Variants in PSAP observed in about 807,000 individuals in gnomAD.
The protein encoded by PSAP is prosaposin.
A neutral mutation model predicts 66.0 loss-of-function variants in PSAP; 25 were observed. That is an observed-to-expected ratio of 0.38 (90% CI 0.28 to 0.53). The LOEUF (loss-of-function observed/expected upper bound fraction) is 0.53. PSAP is among the 20% of genes least tolerant of loss of function. The probability of loss-of-function intolerance (pLI) is 0.83; values close to 1 mark genes in which losing one functional copy is unlikely to be tolerated. For missense variants in PSAP, 649 were observed against 668.8 expected (o/e 0.97, Z 0.33); for synonymous variants, 273 against 258.9 (o/e 1.05, Z -0.52).
At position 71,817,480 on chromosome 10, in the gene PSAP, G is replaced by A. The variant is rs1842192905; in HGVS notation, c.1540-4C>T. 2.5e-6 allele frequency: 4 copies of A among 1,614,076 alleles called. No individual in the cohort carries two copies. The highest frequency in any genetic ancestry group is 2.7e-5 in the African/African-American group (2 of 75,056). ...GGCGTTTGCAATGCTCGACAGCCTGGTAGGAGAGAGGAAGCTGAGTTTAGT... is the reference window on the plus strand; with the variant it reads ...GGCGTTTGCAATGCTCGACAGCCTGATAGGAGAGAGGAAGCTGAGTTTAGT... On this transcript the variant is annotated splice_region_variant and splice_polypyrimidine_tract_variant and intron_variant, in intron 13 of 13. Transcript: ENST00000394936.
rs141906397 is a variant in PSAP, at chr10:71,817,065, T to C, written c.*376A>G. ...CACCTCAGAAGCCCAGGCCCACCAG[T>C]GCCCAAGCACATGTCAGGGCTCAGA... On this transcript the variant is annotated 3_prime_UTR_variant, in exon 14 of 14. Transcript: ENST00000394936. 48 of 374,330 alleles carry C rather than the reference T, an allele frequency of 1.3e-4. No individual in the cohort carries two copies. The highest frequency in any genetic ancestry group is 6.8e-4 in the Admixed American group (17 of 25,074). The allele number at this position is 374,330 out of a possible 1,614,324, so 23.2% of individuals were successfully genotyped here.
At chr10:71,821,505 G>T (rs1842299710) in intron 8 of PSAP, among the ~76,000 whole-genome samples, 1 of 152,196 alleles carries the variant, frequency 6.6e-6, no homozygotes, top group Non-Finnish European at 1.5e-5. Flanking sequence ...ACTCTGAGGG[G>T]TGTGCTGGGA....
chr10:71,823,379 G>T (rs1842342615), intron 7 of PSAP, among the ~76,000 whole-genome samples: 1 of 152,234 alleles, frequency 6.6e-6, no homozygotes, highest in South Asian at 2.1e-4. Context: ...CCAACAGCCA[G>T]GAACAGTCTG....
chr10:71,851,241 G>T lies in PSAP; in HGVS notation c.-20C>A. On this transcript the variant is annotated 5_prime_UTR_variant, in exon 1 of 14. In the 5' UTR this introduces an upstream ATG that the reference lacks. Transcript: ENST00000394936. ...GTACATAGCGCCGTCTGACTCCGCAGTCTGCAATGCGGAGCGTCAGCTGAT... is the reference window on the plus strand; with the variant it reads ...GTACATAGCGCCGTCTGACTCCGCATTCTGCAATGCGGAGCGTCAGCTGAT... 6.5e-7 allele frequency: 1 copy of T among 1,550,314 alleles called. No individual in the cohort carries two copies. Among genetic ancestry groups the T allele is most frequent in the South Asian group, 1.2e-5 (1 of 84,048 alleles).
chr10:71,847,950 A>G (rs1384994039), intron 1 of PSAP, among the ~76,000 whole-genome samples: 1 of 152,174 alleles, frequency 6.6e-6, no homozygotes, highest in Non-Finnish European at 1.5e-5. Flanking sequence ...GACAACATTC[A>G]GCAGGCTAGC....
chr10:71,840,562 G>A (rs550835226), intron 1 of PSAP, among the ~76,000 whole-genome samples: 12 of 152,348 alleles, frequency 7.9e-5, no homozygotes, highest in Admixed American at 1.3e-4. Flanking sequence ...ATTCAGAATA[G>A]TATACGCTCA....
intron 4 of PSAP, among the ~76,000 whole-genome samples, chr10:71,829,425 G>A (rs1022776478): frequency 2.6e-5 from 4 of 152,116 alleles, no homozygotes; most frequent in African/African-American, 7.2e-5. Flanking sequence ...GTTTTCCCAT[G>A]CTGTTTAGTG....
At chr10:71,838,487 A>G (rs1842670165) in intron 1 of PSAP, among the ~76,000 whole-genome samples, 1 of 152,210 alleles carries the variant, frequency 6.6e-6, no homozygotes, top group Non-Finnish European at 1.5e-5. Flanking sequence ...CAGGGTGTGG[A>G]GCTGGTATGA....
chr10:71,828,107 C>A lies in PSAP; in HGVS notation c.627G>T (p.Gln209His). ...QDCIQMVTDIQTAVRTNSTFV... is the reference protein window; with the variant it reads ...QDCIQMVTDIHTAVRTNSTFV... ...AGGTGGAGTTGGTCCGTACAGCAGT[C>A]TGGATGTCAGTCACCATCTGAATGC... is the stretch of plus-strand genomic sequence containing the variant. Residue 209 changes from glutamine to histidine, a missense_variant, in exon 6 of 14, where the codon CAG (glutamine) becomes CAT (histidine). By Grantham distance (24) the Gln-to-His change is conservative. Coordinates refer to ENST00000394936, the MANE Select transcript of PSAP (RefSeq NM_002778.4). The A allele has an allele frequency of 1.9e-6, 3 of 1,614,164 alleles. No individual in the cohort carries two copies. Among genetic ancestry groups the A allele is most frequent in the Non-Finnish European group, 2.5e-6 (3 of 1,180,032 alleles).
intron 1 of PSAP, 54 bp from the exon 2 acceptor site, chr10:71,834,559 A>T: frequency 6.2e-7 from 1 of 1,601,736 alleles, no homozygotes; most frequent in Non-Finnish European, 8.5e-7. Flanking sequence ...AACCAGGTCG[A>T]CCTGACTTAT....
intron 1 of PSAP, among the ~76,000 whole-genome samples, chr10:71,846,290 A>C (rs951870981): frequency 6.6e-6 from 1 of 152,194 alleles, no homozygotes; most frequent in Non-Finnish European, 1.5e-5. Flanking sequence ...TCTTGTCCCA[A>C]CATACAAAAT....
intron 7 of PSAP, 110 bp from the exon 8 acceptor site, chr10:71,822,117 G>C: frequency 1.4e-6 from 2 of 1,480,990 alleles, no homozygotes; most frequent in Non-Finnish European, 1.9e-6. Context: ...CCCAGGTCAA[G>C]GCTACCTCCC....
At chr10:71,824,427 A>G (rs980561766) in intron 7 of PSAP, among the ~76,000 whole-genome samples, 7 of 152,224 alleles carry the variant, frequency 4.6e-5, no homozygotes, top group African/African-American at 1.2e-4. Flanking sequence ...ATGTATCCAA[A>G]GCCTCATGCT....
chr10:71,817,488 G>A lies in PSAP; in HGVS notation c.1540-12C>T. ...CAATGCTCGACAGCCTGGTAGGAGAGAGGAAGCTGAGTTTAGTCTTCGGAT... is the reference window on the plus strand; with the variant it reads ...CAATGCTCGACAGCCTGGTAGGAGAAAGGAAGCTGAGTTTAGTCTTCGGAT... On this transcript the variant is annotated splice_polypyrimidine_tract_variant and intron_variant, in intron 13 of 13. Transcript: ENST00000394936. 1 of 1,613,958 alleles carries A rather than the reference G, an allele frequency of 6.2e-7. No homozygotes were observed. The highest frequency in any genetic ancestry group is 8.5e-7 in the Non-Finnish European group (1 of 1,179,858).
Position 71,817,230 on chromosome 10 carries a change from G to C in PSAP, c.*211C>G, listed in dbSNP as rs987607588. ...AGTGCATCAACATCCATCTAGCAGA[G>C]AGAAAAGGGGCACTGAAGCAGCTAT... On this transcript the variant is annotated 3_prime_UTR_variant, in exon 14 of 14. Transcript: ENST00000394936. The C allele has an allele frequency of 6.7e-5, 45 of 668,404 alleles. No homozygotes were observed. In the African/African-American group the frequency reaches 7.7e-4, roughly 11 times the overall value. The allele number at this position is 668,404 out of a possible 1,614,324, so 41.4% of individuals were successfully genotyped here.
At chr10:71,819,189 C>T in intron 11 of PSAP, 78 bp from the exon 12 acceptor site, 2 of 1,294,960 alleles carry the variant, frequency 1.5e-6, no homozygotes, top group South Asian at 1.2e-5. Flanking sequence ...CAGGCAGGCC[C>T]TGGATACACT....
intron 4 of PSAP, among the ~76,000 whole-genome samples, chr10:71,830,024 G>A (rs572832169): frequency 1.3e-5 from 2 of 152,072 alleles, no homozygotes; most frequent in South Asian, 4.2e-4. Context: ...AATAAATAAA[G>A]GAATAGGAGC....
intron 6 of PSAP, among the ~76,000 whole-genome samples, chr10:71,826,402 A>G (rs2133041161): frequency 6.6e-6 from 1 of 152,354 alleles, no homozygotes; most frequent in East Asian, 1.9e-4. Context: ...TGCTCCTTGT[A>G]TTTGGGGAGC....
intron 1 of PSAP, among the ~76,000 whole-genome samples, chr10:71,846,491 G>A (rs973219988): frequency 4.7e-5 from 7 of 150,140 alleles, no homozygotes; most frequent in South Asian, 2.1e-4. Flanking sequence ...TTGGGAGGCC[G>A]AGGCAGACAG....
Sources: allele counts gnomAD v4.1 joint callset (sites outside exome capture counted in the v4.1 genomes callset), GRCh38; gene constraint gnomAD v4.1.1; transcripts MANE v1.5; gene names NCBI Gene and HGNC (gene_info 2026-07-23, HGNC 2026-07-21).